Variants in GPR137 observed in about 807,000 individuals in gnomAD.
GPR137 encodes integral membrane protein GPR137.
Under a neutral mutation model 38.9 loss-of-function variants are expected in GPR137, and 20 were observed. That is an observed-to-expected ratio of 0.51 (90% CI 0.36 to 0.75). The LOEUF is 0.75. GPR137 is among the 30% of genes least tolerant of loss of function. The pLI is 0.00. For synonymous variants in GPR137, 226 were observed against 235.8 expected (o/e 0.96, Z 0.38); for missense variants, 456 against 526.4 (o/e 0.87, Z 1.31).
At chr11:64,275,310 G>A (rs1307536432), upstream of GPR137, among the ~76,000 whole-genome samples, 1 of 152,172 alleles carries the variant, frequency 6.6e-6, no homozygotes, top group Non-Finnish European at 1.5e-5. Context: ...GGGCACTGAC[G>A]GAACAGGCCT....
upstream of GPR137, among the ~76,000 whole-genome samples, chr11:64,282,753 C>A (rs1276944139): frequency 5.3e-5 from 8 of 151,966 alleles, no homozygotes; most frequent in Non-Finnish European, 1.5e-5. Flanking sequence ...GTGACACGCG[C>A]CTGTAGTCCC....
At chr11:64,284,757 C>T, upstream of GPR137, 1 of 1,535,654 alleles carries the variant, frequency 6.5e-7, no homozygotes, top group Non-Finnish European at 8.7e-7. Flanking sequence ...CTCGGAACGT[C>T]ACTCGGGTAG....
upstream of GPR137, among the ~76,000 whole-genome samples, chr11:64,279,824 T>C (rs1207056886): frequency 6.8e-6 from 1 of 146,890 alleles, no homozygotes; most frequent in African/African-American, 2.5e-5. Flanking sequence ...CTCCAGATCC[T>C]CCCTCACCCT....
chr11:64,282,977 C>T (rs551695912), upstream of GPR137, among the ~76,000 whole-genome samples: 1 of 149,730 alleles, frequency 6.7e-6, no homozygotes, highest in African/African-American at 2.6e-5. Flanking sequence ...TCACTTAAGC[C>T]CAGAAGTTCC....
In GPR137 at chr11:64,286,896, T is replaced by C. The variant is rs532428963; in HGVS notation, c.357+15T>C. The C allele has an allele frequency of 1.3e-5, 19 of 1,464,702 alleles. 1 individual carries two copies. The South Asian group carries it at 2.2e-4, about 17-fold the overall frequency. The allele number at this position is 1,464,702 out of a possible 1,614,324, so 90.7% of individuals were successfully genotyped here. A position where few individuals can be genotyped will look rare whatever the true frequency, so the allele number is the denominator to read the frequency against. On this transcript the variant is annotated intron_variant, in intron 1 of 6. Transcript: ENST00000438980. ...ACTTTGCCCAGGTAACCAACTGTGGTCCCGGGTGGGGGGCGGGAGGTGGCA... is the reference window on the plus strand; with the variant it reads ...ACTTTGCCCAGGTAACCAACTGTGGCCCCGGGTGGGGGGCGGGAGGTGGCA...
At chr11:64,271,571 C>A, upstream of GPR137, 3 of 1,369,624 alleles carry the variant, frequency 2.2e-6, no homozygotes, top group Non-Finnish European at 2.8e-6. Flanking sequence ...CGGGGGGCGG[C>A]CTGGTACTTC....
upstream of GPR137, chr11:64,284,355 G>A (rs752307890): frequency 1.2e-6 from 2 of 1,612,956 alleles, no homozygotes; most frequent in Admixed American, 1.7e-5. Context: ...CTCAAACTCT[G>A]GGATCTGGAA....
chr11:64,285,723 C>T (rs1379052744), upstream of GPR137: 4 of 985,280 alleles, frequency 4.1e-6, no homozygotes, highest in Non-Finnish European at 1.2e-6. Flanking sequence ...CCGCCAGCGG[C>T]GCAGCTCGCG....
In GPR137 at chr11:64,288,330, C is replaced by T. The variant is rs2034376433; in HGVS notation, c.784-10C>T. 1 of 1,613,710 alleles carries T rather than the reference C, an allele frequency of 6.2e-7. No homozygotes were observed. The highest frequency in any genetic ancestry group is 8.5e-7 in the Non-Finnish European group (1 of 1,179,978). On this transcript the variant is annotated splice_polypyrimidine_tract_variant and intron_variant, in intron 4 of 6. Coordinates refer to ENST00000438980, the MANE Select transcript of GPR137 (RefSeq NM_001170880.2). The surrounding 1 kb of genome is among the most constrained non-coding windows in gnomAD (Gnocchi z 5.5). ...ACTGCAGACTGGCACCAGCCCCTGC[C>T]TTCCCACAGGCGGACCTGGTGAATG... is the stretch of plus-strand genomic sequence containing the variant.
At chr11:64,287,431 G>A (rs762724767) in intron 2 of GPR137, 21 of 705,694 alleles carry the variant, frequency 3.0e-5, no homozygotes, top group Non-Finnish European at 3.7e-5. Context: ...CCTCCCTTGA[G>A]AGATGAAGAA....
chr11:64,277,258 C>T (rs1171168029), intron 2 of GPR137, among the ~76,000 whole-genome samples: 2 of 152,174 alleles, frequency 1.3e-5, no homozygotes, highest in African/African-American at 4.8e-5. Context: ...GCACAGTGGC[C>T]AGTGCTGCCA....
chr11:64,285,240 A>G (rs948723519), upstream of GPR137: 6 of 985,790 alleles, frequency 6.1e-6, no homozygotes, highest in African/African-American at 1.1e-4. Context: ...CTCCCGCGCC[A>G]TCTCGGGGGC....
At chr11:64,276,012 A>T (rs565156810) in intron 1 of GPR137, among the ~76,000 whole-genome samples, 1 of 152,146 alleles carries the variant, frequency 6.6e-6, no homozygotes, top group East Asian at 1.9e-4. Context: ...TGGGATCCCA[A>T]CCCAACCAAT....
chr11:64,285,712 C>T (rs1458239701), upstream of GPR137: 1 of 985,254 alleles, frequency 1.0e-6, no homozygotes. Context: ...ACCCCGGGCG[C>T]CCGCCAGCGG....
chr11:64,274,808 G>A (rs1277521136), upstream of GPR137, among the ~76,000 whole-genome samples: 1 of 151,470 alleles, frequency 6.6e-6, no homozygotes, highest in East Asian at 1.9e-4. Context: ...GTGGCAGAGT[G>A]AGACTCTGTC....
chr11:64,283,577 G>A (rs2033627555), upstream of GPR137, among the ~76,000 whole-genome samples: 1 of 152,228 alleles, frequency 6.6e-6, no homozygotes, highest in African/African-American at 2.4e-5. Context: ...CCTGCTGTGG[G>A]TACGAGCCAC....
chr11:64,286,763 A>G lies in GPR137; in HGVS notation c.239A>G (p.Tyr80Cys). The G allele has an allele frequency of 1.2e-6, 2 of 1,611,390 alleles. No individual in the cohort carries two copies. The highest frequency in any genetic ancestry group is 1.7e-6 in the Non-Finnish European group (2 of 1,178,472). The change falls in exon 1 of 7, where the codon TAC (tyrosine) becomes TGC (cysteine). Residue 80 changes from tyrosine to cysteine, a missense_variant. Physicochemically the swap from Tyr to Cys is radical, Grantham distance 194. Transcript: ENST00000438980. ...AALRTTLFSF[Y>C]FRDTPRANRL... is the part of the protein sequence containing the mutation. The stretch of plus-strand genomic sequence containing the variant: ...TTGCGTACCACCCTCTTCTCCTTCT[A>G]CTTCCGAGATACTCCCCGCGCCAAC...
chr11:64,286,741 C>T lies in GPR137; in HGVS notation c.217C>T (p.Arg73Cys), dbSNP rs1057129800. The change falls in exon 1 of 7, where the codon CGT becomes TGT. Residue 73 changes from arginine to cysteine, a missense_variant. Transcript: ENST00000438980. ...LALCLLWAAL[R>C]TTLFSFYFRD... ...CCTCTGTCTGCTCTGGGCCGCCTTG[C>T]GTACCACCCTCTTCTCCTTCTACTT... is the stretch of plus-strand genomic sequence containing the variant. The T allele has an allele frequency of 5.0e-6, 8 of 1,612,930 alleles. No individual in the cohort carries two copies. Among genetic ancestry groups the T allele is most frequent in the South Asian group, 1.1e-5 (1 of 91,006 alleles).
At chr11:64,284,772 A>T (rs772761198), upstream of GPR137, 168 of 1,534,804 alleles carry the variant, frequency 1.1e-4, no homozygotes, top group African/African-American at 1.9e-3. Context: ...GGGTAGGTCC[A>T]GAGGCGGGGT....
Sources: allele counts gnomAD v4.1 joint callset (sites outside exome capture counted in the v4.1 genomes callset), GRCh38; gene constraint gnomAD v4.1.1; non-coding constraint Gnocchi (gnomAD v3.1); transcripts MANE v1.5; gene names NCBI Gene and HGNC (gene_info 2026-07-23, HGNC 2026-07-21).